The following KIF5C variants were observed in gnomAD, a reference collection of about 807,000 sequenced individuals.
KIF5C encodes the protein kinesin family member 5C, also known as kinesin heavy chain isoform 5C.
In KIF5C, 18 loss-of-function variants were observed where a neutral mutation model predicts 125.2. The observed-to-expected ratio is 0.14, with a 90% CI of 0.10 to 0.21. The LOEUF (loss-of-function observed/expected upper bound fraction) is 0.21, where lower values mean the gene tolerates loss of function less well. KIF5C is among the 10% of genes least tolerant of loss of function. The pLI is 1.00. For missense variants in KIF5C, 780 were observed against 1,183.8 expected, an observed-to-expected ratio of 0.66 and a Z score of 5.01; for synonymous variants, 405 against 434.0, an observed-to-expected ratio of 0.93 and a Z score of 0.83.
At chr2:148,971,052 A>G (rs1381278966) in intron 11 of KIF5C, among the ~76,000 whole-genome samples, 1 of 152,184 alleles carries the variant, frequency 6.6e-6, no homozygotes, top group Non-Finnish European at 1.5e-5. Flanking sequence ...CCCTGTTCCC[A>G]AATTTCAGAA....
intron 10 of KIF5C, among the ~76,000 whole-genome samples, chr2:148,956,010 C>T (rs566897922): frequency 2.6e-4 from 39 of 152,328 alleles, no homozygotes; most frequent in African/African-American, 9.1e-4. Context: ...GTAGGCACTC[C>T]TCGTGTCATT....
chr2:148,997,677 G>A (rs543880050), intron 18 of KIF5C: 5 of 283,694 alleles, frequency 1.8e-5, no homozygotes, highest in Admixed American at 9.6e-5. Flanking sequence ...CAACCTTTAC[G>A]CAGAACACAC....
chr2:148,979,271 CA>C (rs1020106584), intron 13 of KIF5C, among the ~76,000 whole-genome samples: 6 of 152,148 alleles, frequency 3.9e-5, no homozygotes, highest in African/African-American at 1.2e-4. Context: ...GGTGATCAAG[CA>C]AGGATGATCC....
At chr2:148,920,555 C>T (rs374910414) in intron 1 of KIF5C, among the ~76,000 whole-genome samples, 52 of 152,300 alleles carry the variant, frequency 3.4e-4, no homozygotes, top group African/African-American at 1.3e-3. Flanking sequence ...TGCTGCTTTG[C>T]ATCAAAACAA....
At chr2:148,900,485 T>C (rs1269390124) in intron 1 of KIF5C, among the ~76,000 whole-genome samples, 1 of 152,316 alleles carries the variant, frequency 6.6e-6, no homozygotes, top group East Asian at 1.9e-4. Context: ...TCAGCTGACA[T>C]AGGGGCCTCT....
At chr2:149,002,137 T>G (rs1363252194) in intron 21 of KIF5C, among the ~76,000 whole-genome samples, 1 of 152,238 alleles carries the variant, frequency 6.6e-6, no homozygotes, top group African/African-American at 2.4e-5. Flanking sequence ...GAAGTGATAA[T>G]CCTAATTATA....
At chr2:148,965,131 G>A (rs1006552548) in intron 11 of KIF5C, among the ~76,000 whole-genome samples, 2 of 152,132 alleles carry the variant, frequency 1.3e-5, no homozygotes, top group African/African-American at 4.8e-5. Flanking sequence ...GGATGCTGGA[G>A]GAGAACCAGG....
chr2:148,935,088 A>C (rs1304287921), intron 3 of KIF5C: 1 of 408,532 alleles, frequency 2.4e-6, no homozygotes, highest in Non-Finnish European at 4.9e-6. Flanking sequence ...TGGGGATGGG[A>C]GGCATTATTA....
intron 1 of KIF5C, 133 bp from the exon 2 acceptor site, chr2:148,922,004 T>TA (rs1471325825): frequency 1.8e-6 from 1 of 561,622 alleles, no homozygotes; most frequent in East Asian, 3.0e-5. Context: ...CTGCTCTTGG[T>TA]AATGAACTGC....
intron 8 of KIF5C, among the ~76,000 whole-genome samples, chr2:148,947,621 T>C (rs1303818256): frequency 3.3e-5 from 5 of 152,130 alleles, no homozygotes; most frequent in Admixed American, 2.6e-4. Flanking sequence ...GGATTCTCTT[T>C]TGTCGTCTAC....
chr2:149,000,394 A>T, intron 19 of KIF5C, 29 bp from the exon 20 acceptor site: 1 of 1,551,128 alleles, frequency 6.4e-7, no homozygotes, highest in South Asian at 1.2e-5. Flanking sequence ...ACTGATGTGG[A>T]ATATATTGCT....
At chr2:148,922,579 A>G (rs1681831431) in intron 2 of KIF5C, among the ~76,000 whole-genome samples, 1 of 152,198 alleles carries the variant, frequency 6.6e-6, no homozygotes, top group South Asian at 2.1e-4. Context: ...AGGAGAAAAT[A>G]TATATTCCTG....
intron 15 of KIF5C, among the ~76,000 whole-genome samples, chr2:148,986,338 T>G (rs1036688198): frequency 6.6e-6 from 1 of 152,232 alleles, no homozygotes; most frequent in African/African-American, 2.4e-5. Flanking sequence ...ATTTCATTGA[T>G]AGCCATCATT....
At chr2:148,966,589 A>G (rs557060779) in intron 11 of KIF5C, among the ~76,000 whole-genome samples, 9 of 152,272 alleles carry the variant, frequency 5.9e-5, no homozygotes, top group African/African-American at 2.2e-4. Context: ...TTACATGCCT[A>G]GAGGTTGCTC....
At chr2:148,900,625 A>G (rs183620867) in intron 1 of KIF5C, among the ~76,000 whole-genome samples, 217 of 152,108 alleles carry the variant, frequency 1.4e-3, no homozygotes, top group African/African-American at 4.9e-3. Context: ...GCATTCAGTC[A>G]TTCCCATAGC....
chr2:148,893,320 G>C (rs181261588), intron 1 of KIF5C, among the ~76,000 whole-genome samples: 76 of 152,220 alleles, frequency 5.0e-4, no homozygotes, highest in African/African-American at 1.7e-3. Flanking sequence ...AACATGTAAG[G>C]CTTTTCTTTT....
intron 19 of KIF5C, 128 bp downstream of exon 19, chr2:148,998,637 C>T: frequency 7.1e-7 from 1 of 1,413,452 alleles, no homozygotes; most frequent in South Asian, 1.4e-5. Context: ...GCCCTGGTGA[C>T]ACAGCAGGCT....
intron 25 of KIF5C, among the ~76,000 whole-genome samples, chr2:149,021,181 G>T (rs1682524060): frequency 6.6e-6 from 1 of 152,092 alleles, no homozygotes; most frequent in Admixed American, 6.6e-5. Flanking sequence ...TCCTGTTTCA[G>T]CCTCCCAAGT....
chr2:148,966,202 C>T (rs1048726500), intron 11 of KIF5C, among the ~76,000 whole-genome samples: 3 of 152,106 alleles, frequency 2.0e-5, no homozygotes, highest in Admixed American at 2.0e-4. Flanking sequence ...GCAGTCTCCA[C>T]GAGTTAAAGA....
Sources: allele counts gnomAD v4.1 joint callset (sites outside exome capture counted in the v4.1 genomes callset), GRCh38; gene constraint gnomAD v4.1.1; transcripts MANE v1.5; gene names NCBI Gene and HGNC (gene_info 2026-07-23, HGNC 2026-07-21).